Variants in ACOXL observed in about 807,000 individuals in gnomAD.
ACOXL encodes acyl-CoA oxidase like.
A neutral mutation model predicts 71.9 loss-of-function variants in ACOXL; 70 were observed. The ratio of observed to expected loss-of-function variants is 0.97; its 90% confidence interval spans 0.80 to 1.19. The LOEUF (loss-of-function observed/expected upper bound fraction) is 1.19. Among genes scored for constraint, ACOXL ranks in the 50% most tolerant of loss-of-function variants. The pLI is 0.00. For missense variants in ACOXL, 703 were observed against 736.3 expected (o/e 0.95, Z 0.52); for synonymous variants, 253 against 281.6 (o/e 0.90, Z 1.02).
intron 16 of ACOXL, among the ~76,000 whole-genome samples, chr2:111,056,772 A>G (rs1020805035): frequency 1.4e-5 from 2 of 141,048 alleles, no homozygotes; most frequent in African/African-American, 5.4e-5. Flanking sequence ...TGGGTGACAG[A>G]GCAAGACTCT....
chr2:111,006,462 CAGAAG>C (rs1476798482), intron 14 of ACOXL, among the ~76,000 whole-genome samples: 3 of 152,182 alleles, frequency 2.0e-5, no homozygotes, highest in African/African-American at 7.2e-5. Flanking sequence ...AACCAACTCC[CAGAAG>C]TACAGTGCTC....
chr2:110,863,532 G>GA (rs200832241), intron 10 of ACOXL, among the ~76,000 whole-genome samples: 3,655 of 151,654 alleles, frequency 0.024, 68 homozygotes, highest in South Asian at 0.048. Context: ...CCATATTCAG[G>GA]AAAAAAAATT....
At chr2:111,096,259 CAG>C (rs2068795081) in intron 17 of ACOXL, among the ~76,000 whole-genome samples, 1 of 129,368 alleles carries the variant, frequency 7.7e-6, no homozygotes, top group Admixed American at 7.7e-5. Flanking sequence ...ATTATTGAGA[CAG>C]AGTCTTGCTC....
At chr2:110,885,575 C>T (rs939376121) in intron 10 of ACOXL, among the ~76,000 whole-genome samples, 3 of 152,056 alleles carry the variant, frequency 2.0e-5, no homozygotes, top group African/African-American at 7.2e-5. Context: ...TTTTGGAGAG[C>T]TTTAATCTGC....
At chr2:111,046,783 C>T (rs2066036584) in intron 15 of ACOXL, among the ~76,000 whole-genome samples, 1 of 152,110 alleles carries the variant, frequency 6.6e-6, no homozygotes, top group Non-Finnish European at 1.5e-5. Flanking sequence ...CCTGGCCAAC[C>T]TGAGGAGACA....
intron 12 of ACOXL, 76 bp downstream of exon 12, chr2:110,933,718 G>A: frequency 1.3e-6 from 2 of 1,483,528 alleles, no homozygotes; most frequent in South Asian, 2.6e-5. Flanking sequence ...GGGGCGGGCA[G>A]ATAACATGCT....
At chr2:110,933,789 T>C (rs2060566672) in intron 12 of ACOXL, 147 bp downstream of exon 12, 2 of 996,654 alleles carry the variant, frequency 2.0e-6, no homozygotes, top group African/African-American at 3.3e-5. Context: ...ACCAGCCTCA[T>C]AGTCTTGTGT....
intron 12 of ACOXL, chr2:110,963,752 C>T: frequency 3.7e-6 from 6 of 1,610,996 alleles, no homozygotes; most frequent in African/African-American, 2.7e-5. Context: ...AAGAGTTATC[C>T]AGAAGTCTGA....
intron 8 of ACOXL, among the ~76,000 whole-genome samples, chr2:110,803,985 CTTTT>C (rs1177385627): frequency 2.3e-5 from 3 of 132,252 alleles, no homozygotes. Flanking sequence ...ACTAGGATGT[CTTTT>C]TTTTTTTTTT....
At chr2:110,770,877 GA>G (rs1681825175) in intron 2 of ACOXL, among the ~76,000 whole-genome samples, 1 of 152,192 alleles carries the variant, frequency 6.6e-6, no homozygotes, top group Non-Finnish European at 1.5e-5. Flanking sequence ...ATCCCTTAAT[GA>G]GGCTTGCTAA....
At chr2:110,943,466 G>T (rs1043911713) in intron 12 of ACOXL, among the ~76,000 whole-genome samples, 27 of 152,274 alleles carry the variant, frequency 1.8e-4, no homozygotes, top group African/African-American at 5.3e-4. Context: ...CGGTGATATG[G>T]TGAAGCTACA....
intron 9 of ACOXL, among the ~76,000 whole-genome samples, chr2:110,806,209 G>A (rs950855149): frequency 1.3e-5 from 2 of 152,238 alleles, no homozygotes; most frequent in African/African-American, 4.8e-5. Flanking sequence ...CTTCACAGAT[G>A]GCCTGTCCTG....
At chr2:110,806,179 T>A (rs1686614896) in intron 9 of ACOXL, among the ~76,000 whole-genome samples, 1 of 152,260 alleles carries the variant, frequency 6.6e-6, no homozygotes, top group South Asian at 2.1e-4. Context: ...CCTGCTTTAC[T>A]TGCTTCGGGG....
intron 10 of ACOXL, among the ~76,000 whole-genome samples, chr2:110,882,782 G>A (rs1248303190): frequency 6.6e-6 from 1 of 151,970 alleles, no homozygotes; most frequent in East Asian, 1.9e-4. Context: ...ACCTTTTCAG[G>A]CCTTTTATTG....
chr2:111,090,304 GA>G (rs2068453537), intron 16 of ACOXL, among the ~76,000 whole-genome samples: 1 of 152,120 alleles, frequency 6.6e-6, no homozygotes, highest in African/African-American at 2.4e-5. Context: ...CCAACAGTGA[GA>G]TTCATTAGGA....
At chr2:111,116,785 CTT>C (rs2070384726) in intron 17 of ACOXL, among the ~76,000 whole-genome samples, 1 of 151,154 alleles carries the variant, frequency 6.6e-6, no homozygotes, top group Non-Finnish European at 1.5e-5. Context: ...GAAAAACAAT[CTT>C]ATTAGTTTGG....
chr2:110,857,717 G>C (rs1318091739), intron 10 of ACOXL, among the ~76,000 whole-genome samples: 1 of 151,902 alleles, frequency 6.6e-6, no homozygotes, highest in Non-Finnish European at 1.5e-5. Context: ...CATAGTTTTT[G>C]TTGATTAATT....
At chr2:110,829,817 C>T (rs1445940004) in intron 9 of ACOXL, among the ~76,000 whole-genome samples, 2 of 152,150 alleles carry the variant, frequency 1.3e-5, no homozygotes, top group Non-Finnish European at 2.9e-5. Context: ...ATTAAACTGA[C>T]CTAAAGAATC....
At chr2:111,103,777 T>C (rs2069341643) in intron 17 of ACOXL, among the ~76,000 whole-genome samples, 1 of 152,208 alleles carries the variant, frequency 6.6e-6, no homozygotes, top group Admixed American at 6.5e-5. Flanking sequence ...TTTTTTTTAA[T>C]GAAGGTCTTT....
Sources: allele counts gnomAD v4.1 joint callset (sites outside exome capture counted in the v4.1 genomes callset), GRCh38; gene constraint gnomAD v4.1.1; transcripts MANE v1.5; gene names NCBI Gene and HGNC (gene_info 2026-07-23, HGNC 2026-07-21).